The following PRR12 variants were observed in gnomAD, a reference collection of about 807,000 sequenced individuals.
The protein encoded by PRR12 is proline-rich protein 12.
A neutral mutation model predicts 138.0 loss-of-function variants in PRR12; 12 were observed. That is an observed-to-expected ratio of 0.09 (90% CI 0.06 to 0.14). The LOEUF (loss-of-function observed/expected upper bound fraction) is 0.14, where lower values mean the gene tolerates loss of function less well. Among genes scored for constraint, PRR12 ranks in the 10% least tolerant of loss-of-function variants. The pLI is 1.00. For missense variants in PRR12, 2,692 were observed against 2,861.3 expected, an observed-to-expected ratio of 0.94 and a Z score of 1.35; for synonymous variants, 1,567 against 1,291.7, an observed-to-expected ratio of 1.21 and a Z score of -4.57.
In PRR12 at chr19:49,594,686, C is replaced by A. The variant is rs2080752504; in HGVS notation, c.362-11C>A. 1.2e-6 allele frequency: 2 copies of A among 1,611,756 alleles called. No homozygotes were observed. Among genetic ancestry groups the A allele is most frequent in the East Asian group, 4.5e-5 (2 of 44,872 alleles). On this transcript the variant is annotated splice_polypyrimidine_tract_variant and intron_variant, in intron 3 of 13. Transcript: ENST00000418929. The surrounding 1 kb of genome is among the most constrained non-coding windows in gnomAD (Gnocchi z 5.6). ...CTGTTCTCTCTGACGCGCGGTCTTC[C>A]TCATCTCCAGCCATGCACACGCCAG...
chr19:49,616,053 C>A lies in PRR12; in HGVS notation c.5331C>A (p.Ala1777=). 1 of 1,561,674 alleles carries A rather than the reference C, an allele frequency of 6.4e-7. No individual in the cohort carries two copies. Residue 1777 remains alanine (A), a synonymous_variant, in exon 9 of 14, where the codon GCC becomes GCA. Coordinates refer to ENST00000418929, the MANE Select transcript of PRR12 (RefSeq NM_020719.3). The surrounding 1 kb of genome is among the most constrained non-coding windows in gnomAD (Gnocchi z 4.2). Reference sequence around the variant, plus strand: ...GGAGTCTCGCCACGGGACAACCTGCCACATCCCGGCTGCCCAAAGCCCGGC... The same window carrying A: ...GGAGTCTCGCCACGGGACAACCTGCAACATCCCGGCTGCCCAAAGCCCGGC... The part of the protein sequence containing the change: ...PERSLATGQP[A]TSRLPKARPT...
intron 10 of PRR12, 66 bp from the exon 11 acceptor site, chr19:49,621,459 A>T: frequency 7.8e-7 from 1 of 1,286,204 alleles, no homozygotes; most frequent in Non-Finnish European, 1.1e-6. Context: ...AGACTCCATG[A>T]CCCCACCTTG....
Position 49,599,994 on chromosome 19 carries a change from G to C in PRR12, c.4345+56G>C, listed in dbSNP as rs1166218911. On this transcript the variant is annotated intron_variant, in intron 5 of 13. Transcript: ENST00000418929. The surrounding 1 kb of genome is among the most constrained non-coding windows in gnomAD (Gnocchi z 5.0). The stretch of plus-strand genomic sequence containing the variant: ...AGCTTAAAGGTTATTATGATCACTA[G>C]GTAACAGTTGTGCAGGTTACGCACT... The C allele has an allele frequency of 1.4e-6, 2 of 1,473,256 alleles. No individual in the cohort carries two copies. The highest frequency in any genetic ancestry group is 2.8e-5 in the African/African-American group (2 of 71,076). 91.3% of individuals were successfully genotyped at this position (1,473,256 alleles called of 1,614,324 possible).
intron 1 of PRR12, among the ~76,000 whole-genome samples, chr19:49,592,669 T>C (rs1263703315): frequency 6.6e-6 from 1 of 152,082 alleles, no homozygotes. Flanking sequence ...CACGGGTGAG[T>C]TGGATACCCG....
intron 6 of PRR12, among the ~76,000 whole-genome samples, chr19:49,608,343 T>A: frequency 6.6e-6 from 1 of 152,188 alleles, no homozygotes; most frequent in Middle Eastern, 3.4e-3. Flanking sequence ...TTCTTTTTTT[T>A]TAAAATTTTT....
rs1037109467 is a variant in PRR12 at position 49,601,497 on chromosome 19, C to T, written c.4352C>T (p.Pro1451Leu). The change falls in exon 6 of 14, where the codon CCG (proline) becomes CTG (leucine). Residue 1451 changes from proline to leucine, a missense_variant. By Grantham distance (98) the Pro-to-Leu change is moderately conservative (BLOSUM62 -3). Around this residue, in one of 11 missense-constraint regions of PRR12, gnomAD observed 231 missense variants for 200.8 expected, o/e 1.15. Transcript: ENST00000418929. ...SANSNGTPEP[P>L]LLEEKPPPTP... The stretch of plus-strand genomic sequence containing the variant: ...ATGTCCCTGTCTCCCCCAGAGCCCC[C>T]GCTGCTGGAGGAGAAACCCCCACCC... 67 of 1,497,694 alleles carry T rather than the reference C, an allele frequency of 4.5e-5. No individual in the cohort carries two copies. Among genetic ancestry groups the T allele is most frequent in the Non-Finnish European group, 5.2e-5 (58 of 1,104,866 alleles). 92.8% of individuals were successfully genotyped at this position (1,497,694 alleles called of 1,614,324 possible). A position where few individuals can be genotyped will look rare whatever the true frequency, so the allele number is the denominator to read the frequency against.
intron 6 of PRR12, among the ~76,000 whole-genome samples, chr19:49,609,430 G>A (rs946202929): frequency 1.3e-5 from 2 of 151,968 alleles, no homozygotes; most frequent in South Asian, 2.1e-4. Flanking sequence ...GTGCAATCCC[G>A]TCTCTACTAA....
rs34027784 is a variant in PRR12 at position 49,619,224 on chromosome 19, G to GTTTTTTTT, written c.5498-1110_5498-1103dup. ...AGGGTGAGTCTGATGCCTCCTGTGAGTTTTTTTTTTTTTTTTTTTTTTTTT... is the reference window on the plus strand; with the variant it reads ...AGGGTGAGTCTGATGCCTCCTGTGAGTTTTTTTTTTTTTTTTTTTTTTTTTTTTTTTTT... On this transcript the variant is annotated intron_variant, in intron 9 of 13. Coordinates refer to ENST00000418929, the MANE Select transcript of PRR12 (RefSeq NM_020719.3). Among the ~76,000 whole-genome samples, 9 of 79,768 alleles carry GTTTTTTTT rather than the reference G, an allele frequency of 1.1e-4. 1 individual carries two copies. The highest frequency in any genetic ancestry group is 1.1e-4 in the Non-Finnish European group (5 of 44,258). 52.3% of individuals were successfully genotyped at this position (79,768 alleles called of 152,430 possible). A position where few individuals can be genotyped will look rare whatever the true frequency, so the allele number is the denominator to read the frequency against.
chr19:49,602,080 C>T (rs991299883), intron 6 of PRR12, among the ~76,000 whole-genome samples, 162 bp downstream of exon 6: 5 of 152,168 alleles, frequency 3.3e-5, no homozygotes, highest in African/African-American at 4.8e-5. Context: ...TGTCGAGGAC[C>T]TGCGGGCCTC....
chr19:49,593,706 G>A (rs548938864), intron 2 of PRR12, among the ~76,000 whole-genome samples: 3 of 152,124 alleles, frequency 2.0e-5, no homozygotes, highest in African/African-American at 7.2e-5. Context: ...TTCTCTTCCA[G>A]GCTTTTCCGC....
chr19:49,612,374 CATG>C (rs1776560498), intron 6 of PRR12, among the ~76,000 whole-genome samples: 1 of 151,910 alleles, frequency 6.6e-6, no homozygotes. Flanking sequence ...ATATGAGTGA[CATG>C]ATGAGAGGCA....
intron 6 of PRR12, among the ~76,000 whole-genome samples, chr19:49,613,728 C>G (rs2080877960): frequency 6.6e-6 from 1 of 152,234 alleles, no homozygotes. Flanking sequence ...GTCTCATTAC[C>G]TCTGTTATTA....
intron 11 of PRR12, chr19:49,621,907 C>T (rs571474540): frequency 9.5e-5 from 44 of 461,936 alleles, no homozygotes; most frequent in African/African-American, 7.0e-4. Context: ...ATAGACTAGG[C>T]CTGCACCCAA....
intron 6 of PRR12, among the ~76,000 whole-genome samples, chr19:49,605,539 G>A (rs1250359634): frequency 6.6e-6 from 1 of 152,240 alleles, no homozygotes; most frequent in African/African-American, 2.4e-5. Context: ...TGGGATTATA[G>A]GCATGAGCCA....
Position 49,594,438 on chromosome 19 carries a change from C to T in PRR12, c.200-16C>T, listed in dbSNP as rs2080750283. Reference sequence around the variant, plus strand: ...CCACCCCCACCTGGCTGACTATAACCCCTGTCCCCGGCCAGGCCTCTCTGG... The same window carrying T: ...CCACCCCCACCTGGCTGACTATAACTCCTGTCCCCGGCCAGGCCTCTCTGG... On this transcript the variant is annotated splice_polypyrimidine_tract_variant and intron_variant, in intron 2 of 13. Coordinates refer to ENST00000418929, the MANE Select transcript of PRR12 (RefSeq NM_020719.3). The surrounding 1 kb of genome is among the most constrained non-coding windows in gnomAD (Gnocchi z 5.6). 5 of 1,562,166 alleles carry T rather than the reference C, an allele frequency of 3.2e-6. No homozygotes were observed. The highest frequency in any genetic ancestry group is 4.3e-6 in the Non-Finnish European group (5 of 1,157,018).
Position 49,596,639 on chromosome 19 carries a change from T to A in PRR12, c.2304T>A (p.Pro768=). 1 of 1,590,734 alleles carries A rather than the reference T, an allele frequency of 6.3e-7. No individual in the cohort carries two copies. Among genetic ancestry groups the A allele is most frequent in the Non-Finnish European group, 8.5e-7 (1 of 1,170,210 alleles). ...AFLQKSPPPP[P]PTAQSTQPTP... is the part of the protein sequence containing the mutation. The stretch of plus-strand genomic sequence containing the variant: ...TGCAAAAGAGCCCTCCGCCCCCACC[T>A]CCCACGGCCCAGTCTACCCAGCCCA... Residue 768 remains proline (P), a synonymous_variant, in exon 4 of 14, where the codon CCT becomes CCA. Transcript: ENST00000418929. The surrounding 1 kb of genome is among the most constrained non-coding windows in gnomAD (Gnocchi z 5.6).
chr19:49,609,549 C>T (rs563208502), intron 6 of PRR12, among the ~76,000 whole-genome samples: 3 of 149,104 alleles, frequency 2.0e-5, no homozygotes, highest in East Asian at 2.0e-4. Flanking sequence ...TTCAGTGAGC[C>T]GAGATCATGC....
At position 49,616,037 on chromosome 19, in the gene PRR12, C is replaced by T. The variant is rs2080891187; in HGVS notation, c.5315C>T (p.Ala1772Val). ...GRQTRPERSL[A>V]TGQPATSRLP... ...CAGACACGGCCAGAGCGGAGTCTCG[C>T]CACGGGACAACCTGCCACATCCCGG... The change falls in exon 9 of 14, where the codon GCC (alanine) becomes GTC (valine). Residue 1772 changes from alanine (A) to valine (V), a missense_variant. Ala to Val is a moderately conservative substitution (Grantham distance 64). Around this residue, in one of 11 missense-constraint regions of PRR12, gnomAD observed 259 missense variants for 265.1 expected, o/e 0.98. Coordinates refer to ENST00000418929, the MANE Select transcript of PRR12 (RefSeq NM_020719.3). The surrounding 1 kb of genome is among the most constrained non-coding windows in gnomAD (Gnocchi z 4.2). The T allele has an allele frequency of 2.6e-6, 4 of 1,556,988 alleles. No homozygotes were observed.
chr19:49,594,988 G>A lies in PRR12; in HGVS notation c.653G>A (p.Gly218Asp). 1 of 1,599,824 alleles carries A rather than the reference G, an allele frequency of 6.3e-7. No homozygotes were observed. The highest frequency in any genetic ancestry group is 8.5e-7 in the Non-Finnish European group (1 of 1,174,864). ...GGGGGCGGTGTCTTGGGGCCAGCTG[G>A]TCTCGGTCCAGCCCAGACCCCCCCT... Reference protein sequence around the residue: ...LAGGGVLGPAGLGPAQTPPYR... With the variant: ...LAGGGVLGPADLGPAQTPPYR... The change falls in exon 4 of 14, where the codon GGT (glycine) becomes GAT (aspartate). Residue 218 changes from glycine (G) to aspartate (D), a missense_variant. Transcript: ENST00000418929. This position sits in a 1 kb window ranked among gnomAD's most constrained non-coding sequence, Gnocchi z 5.6.
Sources: allele counts gnomAD v4.1 joint callset (sites outside exome capture counted in the v4.1 genomes callset), GRCh38; gene constraint gnomAD v4.1.1; regional missense constraint gnomAD v4.1.1; non-coding constraint Gnocchi (gnomAD v3.1); transcripts MANE v1.5; gene names NCBI Gene and HGNC (gene_info 2026-07-23, HGNC 2026-07-21).